Variants in PGM2L1 observed in about 807,000 individuals in gnomAD.
PGM2L1 encodes the protein glucose 1,6-bisphosphate synthase.
In PGM2L1, 35 loss-of-function variants were observed where a neutral mutation model predicts 73.4. That is an observed-to-expected ratio of 0.48 (90% CI 0.36 to 0.63). PGM2L1 has a LOEUF of 0.63. Ranked by LOEUF, PGM2L1 falls within the 30% of genes least tolerant of loss-of-function variation. The pLI is 0.00. For synonymous variants in PGM2L1, 225 were observed against 253.8 expected, an observed-to-expected ratio of 0.89 and a Z score of 1.08; for missense variants, 570 against 742.0, an observed-to-expected ratio of 0.77 and a Z score of 2.69.
intron 4 of PGM2L1, among the ~76,000 whole-genome samples, chr11:74,369,430 A>G (rs1446887654): frequency 6.6e-6 from 1 of 151,162 alleles, no homozygotes. Context: ...CACTGCTGCC[A>G]TTCAAGAGAC....
rs1166535821 is a variant in PGM2L1 at position 74,351,477 on chromosome 11, C to T, written c.655G>A (p.Asp219Asn). ...AGCGGGCTGGTATCCACTAAATTAT[C>T]ATTCCAGGAACCATTCCAGGGTTCC... ...CVEPWNGSWN[D>N]NLVDTSPLKR... is the part of the protein sequence containing the mutation. The change falls in exon 6 of 14, where the codon GAT becomes AAT. Residue 219 changes from aspartate to asparagine, a missense_variant. Physicochemically the swap from Asp to Asn is conservative, Grantham distance 23. Transcript: ENST00000298198. 6.2e-7 allele frequency: 1 copy of T among 1,613,974 alleles called. No homozygotes were observed. Among genetic ancestry groups the T allele is most frequent in the African/African-American group, 1.3e-5 (1 of 75,052 alleles).
chr11:74,343,025 A>T lies in PGM2L1; in HGVS notation c.1313-11T>A. Reference sequence around the variant, plus strand: ...TTCCACAGAGAAAACCTGAGGATTGAAAACCATCACTAGAAAAGAGGAAAA... The same window carrying T: ...TTCCACAGAGAAAACCTGAGGATTGTAAACCATCACTAGAAAAGAGGAAAA... On this transcript the variant is annotated splice_polypyrimidine_tract_variant and intron_variant, in intron 10 of 13. Coordinates refer to ENST00000298198, the MANE Select transcript of PGM2L1 (RefSeq NM_173582.6). 1 of 1,586,896 alleles carries T rather than the reference A, an allele frequency of 6.3e-7. No individual in the cohort carries two copies. Among genetic ancestry groups the T allele is most frequent in the Non-Finnish European group, 8.5e-7 (1 of 1,171,932 alleles).
At chr11:74,338,037 T>C (rs1591162725) in intron 13 of PGM2L1, among the ~76,000 whole-genome samples, 3 of 152,134 alleles carry the variant, frequency 2.0e-5, no homozygotes, top group East Asian at 1.9e-4. Flanking sequence ...AAGCATGGCA[T>C]AGCCATGCAA....
intron 5 of PGM2L1, among the ~76,000 whole-genome samples, chr11:74,367,848 C>G (rs1341493075): frequency 2.6e-5 from 4 of 152,144 alleles, no homozygotes; most frequent in Non-Finnish European, 5.9e-5. Context: ...CTTAGCTGAC[C>G]AGGGCCAAAA....
intron 1 of PGM2L1, among the ~76,000 whole-genome samples, chr11:74,386,866 C>G (rs1314514976): frequency 1.3e-5 from 2 of 152,054 alleles, no homozygotes; most frequent in East Asian, 3.9e-4. Context: ...CCTAGATATG[C>G]CTTGGTTACT....
At chr11:74,355,972 G>A (rs1227427380) in intron 5 of PGM2L1, among the ~76,000 whole-genome samples, 3 of 151,742 alleles carry the variant, frequency 2.0e-5, no homozygotes, top group African/African-American at 4.8e-5. Flanking sequence ...CCAACAAAGA[G>A]TTTTAATATG....
chr11:74,360,603 G>T (rs967584937), intron 5 of PGM2L1, among the ~76,000 whole-genome samples: 1 of 152,168 alleles, frequency 6.6e-6, no homozygotes, highest in Non-Finnish European at 1.5e-5. Flanking sequence ...TCGAAGCAGG[G>T]TGACACATCG....
At chr11:74,370,176 C>A (rs549506023) in intron 4 of PGM2L1, among the ~76,000 whole-genome samples, 2 of 151,960 alleles carry the variant, frequency 1.3e-5, no homozygotes, top group African/African-American at 4.8e-5. Context: ...ACATTTTTAA[C>A]CAAGAGTAAG....
rs773469924 is a variant in PGM2L1 at position 74,346,774 on chromosome 11, T to A, written c.995A>T (p.Asp332Val). Residue 332 changes from aspartate to valine, a missense_variant, in exon 8 of 14, where the codon GAT becomes GTT. By Grantham distance (152) the Asp-to-Val change is radical. Transcript: ENST00000298198. ...TGCTGCCAGTCTGTCTGCATCAGGA[T>A]CTGTGGCTAGCACTACCCGGGCATT... Reference protein sequence around the residue: ...KENARVVLATDPDADRLAAAE... With the variant: ...KENARVVLATVPDADRLAAAE... The A allele has an allele frequency of 6.2e-7, 1 of 1,614,152 alleles. No homozygotes were observed. The highest frequency in any genetic ancestry group is 1.7e-5 in the Admixed American group (1 of 60,024).
In PGM2L1 at chr11:74,337,262, A is replaced by G. The variant is rs540710386; in HGVS notation, c.1767-508T>C. On this transcript the variant is annotated intron_variant, in intron 13 of 13. Transcript: ENST00000298198. ...TGCTGCCGTTGCCCAGAACATTTCG[A>G]GGCAAGCCTCTTTTAAACTGCCTTT... 2.0e-5 allele frequency among the ~76,000 whole-genome samples: 3 copies of G among 152,380 alleles called. No individual in the cohort carries two copies. In the South Asian group the frequency reaches 6.2e-4, roughly 32 times the overall value.
chr11:74,357,541 G>A (rs1862477926), intron 5 of PGM2L1, among the ~76,000 whole-genome samples: 1 of 152,220 alleles, frequency 6.6e-6, no homozygotes, highest in Non-Finnish European at 1.5e-5. Context: ...TGCTGACAAG[G>A]ATGTGGAGCA....
rs1449757226 is a variant in PGM2L1, at chr11:74,336,727, C to T, written c.1794G>A (p.Leu598=). The T allele has an allele frequency of 3.1e-6, 5 of 1,611,894 alleles. No homozygotes were observed. The highest frequency in any genetic ancestry group is 1.7e-5 in the Admixed American group (1 of 59,822). The change falls in exon 14 of 14, where the codon CTG becomes CTA. Residue 598 remains leucine (L), a synonymous_variant. Coordinates refer to ENST00000298198, the MANE Select transcript of PGM2L1 (RefSeq NM_173582.6). ...QSDTALLEEE[L]KKLIDALIEN... The stretch of plus-strand genomic sequence containing the variant: ...CTATCAGAGCATCAATGAGTTTCTT[C>T]AGTTCTTCCTCCAGTAAAGCAGTGT...
chr11:74,351,887 C>T (rs561105858), intron 5 of PGM2L1, among the ~76,000 whole-genome samples: 138 of 151,294 alleles, frequency 9.1e-4, no homozygotes, highest in African/African-American at 2.9e-3. Context: ...GCATGAACCC[C>T]GGAGGCGGAG....
At chr11:74,351,259 T>C in intron 6 of PGM2L1, 124 bp downstream of exon 6, 1 of 917,710 alleles carries the variant, frequency 1.1e-6, no homozygotes, top group Non-Finnish European at 1.6e-6. Context: ...TCTTTGACTC[T>C]TATGAGTACT....
intron 6 of PGM2L1, among the ~76,000 whole-genome samples, chr11:74,347,665 T>G (rs17132964): frequency 0.16 from 24,059 of 152,114 alleles, 2,145 homozygotes; most frequent in East Asian, 0.28. Flanking sequence ...TAACTGGTCT[T>G]TCTCGCTTGC....
rs180849922 is a variant in PGM2L1 at position 74,335,023 on chromosome 11, C to G, written c.*1629G>C. The G allele has an allele frequency of 6.6e-6, 1 of 152,122 alleles. No homozygotes were observed. The highest frequency in any genetic ancestry group is 2.4e-5 in the African/African-American group (1 of 41,446). The allele number at this position is 152,122 out of a possible 1,614,324, so 9.4% of individuals were successfully genotyped here. On this transcript the variant is annotated 3_prime_UTR_variant, in exon 14 of 14. Coordinates refer to ENST00000298198, the MANE Select transcript of PGM2L1 (RefSeq NM_173582.6). ...GCCTCAAGCAATCCTCCTGCCTCAG[C>G]CTCCCAAAGCGCTGGTATTACAGAT... is the stretch of plus-strand genomic sequence containing the variant.
chr11:74,350,442 T>C (rs1862331873), intron 6 of PGM2L1, among the ~76,000 whole-genome samples: 1 of 152,214 alleles, frequency 6.6e-6, no homozygotes, highest in African/African-American at 2.4e-5. Context: ...AAGTATAACT[T>C]GTTTAACAGC....
chr11:74,364,805 A>G (rs1009852789), intron 5 of PGM2L1, among the ~76,000 whole-genome samples: 12 of 152,338 alleles, frequency 7.9e-5, no homozygotes, highest in Admixed American at 5.9e-4. Flanking sequence ...TAATTTATAG[A>G]TTCAATGCCA....
chr11:74,379,666 G>A (rs1862909059), intron 1 of PGM2L1, among the ~76,000 whole-genome samples: 1 of 152,086 alleles, frequency 6.6e-6, no homozygotes, highest in Admixed American at 6.6e-5. Flanking sequence ...GCTTATGCTT[G>A]TAATCCCAGC....
Sources: gnomAD v4.1 joint callset for allele counts (sites outside exome capture counted in the v4.1 genomes callset) on GRCh38, gnomAD v4.1.1 for gene constraint, MANE v1.5 for transcripts, NCBI Gene and HGNC (gene_info 2026-07-23, HGNC 2026-07-21) for gene names.